The following LTA4H variants were observed in gnomAD, a reference collection of about 807,000 sequenced individuals.
The protein encoded by LTA4H is leukotriene A4 hydrolase.
Under a neutral mutation model 89.8 loss-of-function variants are expected in LTA4H, and 59 were observed. The ratio of observed to expected loss-of-function variants is 0.66; its 90% CI spans 0.53 to 0.82. LTA4H has a LOEUF of 0.82. LTA4H is among the 40% of genes least tolerant of loss of function. LTA4H has a pLI of 0.00. For missense variants in LTA4H, 617 were observed against 727.0 expected (o/e 0.85, Z 1.74); for synonymous variants, 227 against 253.1 (o/e 0.90, Z 0.98).
intron 17 of LTA4H, 45 bp downstream of exon 17, chr12:96,003,793 T>A (rs753594742): frequency 7.4e-7 from 1 of 1,346,232 alleles, no homozygotes; most frequent in Non-Finnish European, 1.1e-6. Context: ...TCAAAGGAGT[T>A]TAGTTTTCTG....
upstream of LTA4H, among the ~76,000 whole-genome samples, chr12:96,039,348 C>T (rs1322605115): frequency 6.6e-6 from 1 of 152,048 alleles, no homozygotes; most frequent in Admixed American, 6.5e-5. Flanking sequence ...ATTTATAGAG[C>T]CATATGAACA....
chr12:96,015,223 T>G, intron 11 of LTA4H: 1 of 494,976 alleles, frequency 2.0e-6, no homozygotes, highest in Non-Finnish European at 3.5e-6. Flanking sequence ...TAATACAGGC[T>G]TTATTCTTAT....
intron 14 of LTA4H, 169 bp downstream of exon 14, chr12:96,013,019 T>G: frequency 1.9e-6 from 1 of 526,028 alleles, no homozygotes; most frequent in Non-Finnish European, 3.4e-6. Context: ...ATTTGTAAAC[T>G]GCAGAAATTA....
upstream of LTA4H, among the ~76,000 whole-genome samples, chr12:96,038,660 C>T (rs1485989857): frequency 5.3e-5 from 8 of 151,416 alleles, no homozygotes; most frequent in Admixed American, 1.3e-4. Context: ...ATTACAGGTA[C>T]GAGCCACCAC....
At chr12:96,033,537 T>C (rs757436065) in intron 1 of LTA4H, among the ~76,000 whole-genome samples, 15 of 152,358 alleles carry the variant, frequency 9.8e-5, no homozygotes, top group Admixed American at 2.0e-4. Context: ...TGTTCAAATA[T>C]GGCAGTCTCA....
chr12:96,015,136 A>G (rs1332721541), intron 11 of LTA4H, 137 bp from the exon 12 acceptor site: 2 of 650,304 alleles, frequency 3.1e-6, no homozygotes, highest in Admixed American at 3.1e-5. Context: ...GAACACTAGG[A>G]TATGTTGGCA....
chr12:96,024,588 T>C lies in LTA4H; in HGVS notation c.412-41A>G, dbSNP rs747227123. 9.8e-6 allele frequency: 12 copies of C among 1,224,450 alleles called. No homozygotes were observed. In the Admixed American group the frequency reaches 1.7e-4, roughly 17 times the overall value. 75.8% of individuals were successfully genotyped at this position (1,224,450 alleles called of 1,614,324 possible). A position where few individuals can be genotyped will look rare whatever the true frequency, so the allele number is the denominator to read the frequency against. ...ACAAGAAGAAATAGCTATTTATCTT[T>C]CGCATAAGTCATTAAGAAATCATTA... On this transcript the variant is annotated intron_variant, in intron 3 of 18. Coordinates refer to ENST00000228740, the MANE Select transcript of LTA4H (RefSeq NM_000895.3).
intron 18 of LTA4H, 34 bp downstream of exon 18, chr12:96,002,926 A>G: frequency 7.3e-7 from 1 of 1,370,144 alleles, no homozygotes; most frequent in Non-Finnish European, 1.0e-6. Context: ...TGTTTCTTAG[A>G]TGAATTCAAA....
At position 96,000,886 on chromosome 12, in the gene LTA4H, C is replaced by A; in HGVS notation, c.*103G>T. 1.2e-6 allele frequency: 1 copy of A among 813,744 alleles called. No homozygotes were observed. The highest frequency in any genetic ancestry group is 2.0e-6 in the Non-Finnish European group (1 of 499,416). The allele number at this position is 813,744 out of a possible 1,614,324, so 50.4% of individuals were successfully genotyped here. A position where few individuals can be genotyped will look rare whatever the true frequency, so the allele number is the denominator to read the frequency against. ...AAATCACCAACAAAACAATAAAAAG[C>A]CAAAACTAAAAAGACAGTTTTAATT... On this transcript the variant is annotated 3_prime_UTR_variant, in exon 19 of 19. Coordinates refer to ENST00000228740, the MANE Select transcript of LTA4H (RefSeq NM_000895.3).
Position 96,015,696 on chromosome 12 carries a change from TG to T in LTA4H, c.948-3del. On this transcript the variant is annotated splice_region_variant and splice_polypyrimidine_tract_variant and intron_variant, in intron 10 of 18. Transcript: ENST00000228740. ...TACACAGTATGTCCCTCATTTAACCTGAAAAAAAAATATTTTAATAAAAACA... is the reference window on the plus strand; with the variant it reads ...TACACAGTATGTCCCTCATTTAACCTAAAAAAAAATATTTTAATAAAAACA... 1 of 1,540,932 alleles carries T rather than the reference TG, an allele frequency of 6.5e-7. No individual in the cohort carries two copies. The highest frequency in any genetic ancestry group is 8.9e-7 in the Non-Finnish European group (1 of 1,121,390).
chr12:96,041,371 C>A (rs1258583795), intron 1 of LTA4H, among the ~76,000 whole-genome samples: 2 of 152,086 alleles, frequency 1.3e-5, no homozygotes, highest in African/African-American at 4.8e-5. Context: ...CAGTTGGGTG[C>A]TCTTCGAGAC....
chr12:96,004,412 T>G (rs988880268), intron 16 of LTA4H, among the ~76,000 whole-genome samples: 4 of 152,168 alleles, frequency 2.6e-5, no homozygotes, highest in African/African-American at 9.7e-5. Context: ...TATAGATCTC[T>G]TTGGGAATCT....
At chr12:96,033,094 A>C (rs1950592988) in intron 1 of LTA4H, among the ~76,000 whole-genome samples, 1 of 152,252 alleles carries the variant, frequency 6.6e-6, no homozygotes, top group Non-Finnish European at 1.5e-5. Context: ...TTTGAAGTAC[A>C]CCTGAACTTC....
upstream of LTA4H, among the ~76,000 whole-genome samples, chr12:96,038,413 G>T (rs557153384): frequency 6.6e-6 from 1 of 152,172 alleles, no homozygotes; most frequent in Admixed American, 6.5e-5. Flanking sequence ...TTTGGCAAAT[G>T]TCCTGTTGCC....
upstream of LTA4H, among the ~76,000 whole-genome samples, chr12:96,036,450 G>C (rs189966433): frequency 1.6e-3 from 243 of 152,270 alleles, no homozygotes; most frequent in Non-Finnish European, 1.9e-3. Context: ...ATTAATGGGG[G>C]ACCCACTGAA....
chr12:96,032,097 C>T (rs771361538), intron 1 of LTA4H, among the ~76,000 whole-genome samples: 9 of 152,216 alleles, frequency 5.9e-5, no homozygotes, highest in Non-Finnish European at 1.2e-4. Context: ...GCACTAAAAC[C>T]TCTTGAGCCA....
At chr12:96,017,018 TA>T (rs1382039140) in intron 10 of LTA4H, 25 bp downstream of exon 10, 1 of 1,526,068 alleles carries the variant, frequency 6.6e-7, no homozygotes, top group African/African-American at 1.4e-5. Context: ...CATGAACCAA[TA>T]AAGAAATAAT....
At chr12:96,003,287 CAT>C (rs1366867156) in intron 17 of LTA4H, among the ~76,000 whole-genome samples, 4 of 152,194 alleles carry the variant, frequency 2.6e-5, no homozygotes, top group Non-Finnish European at 4.4e-5. Flanking sequence ...TGAAAAAGAT[CAT>C]ATATTTTTAA....
Position 96,022,325 on chromosome 12 carries a change from A to C in LTA4H, c.481-74T>G, listed in dbSNP as rs1369354216. On this transcript the variant is annotated intron_variant, in intron 4 of 18. Transcript: ENST00000228740. This position sits in a 1 kb window ranked among gnomAD's most constrained non-coding sequence, Gnocchi z 4.0. ...TGTCTTAAACCATATATGTAAAATA[A>C]CCTTTTCTTCCCATTCTTGACTATC... 1 of 964,052 alleles carries C rather than the reference A, an allele frequency of 1.0e-6. No homozygotes were observed. Among genetic ancestry groups the C allele is most frequent in the East Asian group, 2.5e-5 (1 of 40,294 alleles). 59.7% of individuals were successfully genotyped at this position (964,052 alleles called of 1,614,324 possible).
Sources: allele counts gnomAD v4.1 joint callset (sites outside exome capture counted in the v4.1 genomes callset), GRCh38; gene constraint gnomAD v4.1.1; non-coding constraint Gnocchi (gnomAD v3.1); transcripts MANE v1.5; gene names NCBI Gene and HGNC (gene_info 2026-07-23, HGNC 2026-07-21).